Variants in BTBD10 observed in about 807,000 individuals in gnomAD.
BTBD10 encodes the protein BTB domain containing 10.
A neutral mutation model predicts 53.2 loss-of-function variants in BTBD10; 21 were observed. That is an observed-to-expected ratio of 0.39 (90% confidence interval 0.28 to 0.57). The LOEUF is 0.57. BTBD10 is among the 20% of genes least tolerant of loss of function. The probability of loss-of-function intolerance (pLI) is 0.53; values close to 1 mark genes in which losing one functional copy is unlikely to be tolerated. For synonymous variants in BTBD10, 149 were observed against 192.7 expected, an observed-to-expected ratio of 0.77 and a Z score of 1.88; for missense variants, 360 against 594.7, an observed-to-expected ratio of 0.61 and a Z score of 4.10.
At chr11:13,454,369 A>C (rs1950922293) in intron 1 of BTBD10, among the ~76,000 whole-genome samples, 1 of 152,216 alleles carries the variant, frequency 6.6e-6, no homozygotes, top group Non-Finnish European at 1.5e-5. Flanking sequence ...AGCTATTACC[A>C]AACAAGCCCT....
intron 1 of BTBD10, among the ~76,000 whole-genome samples, chr11:13,445,857 C>T (rs1052040250): frequency 1.3e-5 from 2 of 152,152 alleles, no homozygotes; most frequent in African/African-American, 4.8e-5. Flanking sequence ...AACAGCTTTA[C>T]AGAATATCTG....
intron 2 of BTBD10, among the ~76,000 whole-genome samples, chr11:13,436,925 G>A (rs1950554241): frequency 6.6e-6 from 1 of 152,122 alleles, no homozygotes; most frequent in Non-Finnish European, 1.5e-5. Context: ...TGGGATTACA[G>A]GCGTGCACCA....
intron 8 of BTBD10, among the ~76,000 whole-genome samples, chr11:13,401,015 A>C (rs918990962): frequency 2.6e-5 from 4 of 152,126 alleles, no homozygotes; most frequent in Non-Finnish European, 5.9e-5. Context: ...CCACTGAGAA[A>C]TTTTAATATG....
intron 1 of BTBD10, among the ~76,000 whole-genome samples, chr11:13,450,497 T>C (rs1950837740): frequency 6.6e-6 from 1 of 152,120 alleles, no homozygotes; most frequent in Non-Finnish European, 1.5e-5. Context: ...AGAGACTGTA[T>C]CACTAAAAAC....
At chr11:13,401,407 T>C (rs886186951) in intron 8 of BTBD10, among the ~76,000 whole-genome samples, 1 of 152,146 alleles carries the variant, frequency 6.6e-6, no homozygotes, top group Non-Finnish European at 1.5e-5. Context: ...AGACCACATG[T>C]TAGGTATGCA....
chr11:13,445,958 G>A (rs1207931327), intron 1 of BTBD10, among the ~76,000 whole-genome samples: 1 of 152,104 alleles, frequency 6.6e-6, no homozygotes, highest in African/African-American at 2.4e-5. Context: ...ATACAGAATA[G>A]AAAGCCTCAG....
intron 8 of BTBD10, among the ~76,000 whole-genome samples, chr11:13,398,208 T>G (rs1423499816): frequency 6.6e-6 from 1 of 152,162 alleles, no homozygotes. Context: ...AGGACTTGCT[T>G]TATGAATCTG....
At chr11:13,460,092 G>A (rs914835882) in intron 1 of BTBD10, among the ~76,000 whole-genome samples, 1 of 152,176 alleles carries the variant, frequency 6.6e-6, no homozygotes, top group African/African-American at 2.4e-5. Flanking sequence ...ATTTCAGAGA[G>A]AGGCAGAGAT....
chr11:13,426,941 A>C (rs1469976348), intron 2 of BTBD10, among the ~76,000 whole-genome samples: 1 of 152,152 alleles, frequency 6.6e-6, no homozygotes, highest in Non-Finnish European at 1.5e-5. Context: ...CTAAACCATA[A>C]AAGGTGAAGA....
At chr11:13,394,153 G>A (rs1949475458) in intron 8 of BTBD10, among the ~76,000 whole-genome samples, 1 of 152,172 alleles carries the variant, frequency 6.6e-6, no homozygotes, top group Non-Finnish European at 1.5e-5. Flanking sequence ...CCGCACAAAG[G>A]AGCATCTTAA....
At chr11:13,395,806 C>G (rs1347048566) in intron 8 of BTBD10, among the ~76,000 whole-genome samples, 2 of 152,140 alleles carry the variant, frequency 1.3e-5, no homozygotes, top group African/African-American at 4.8e-5. Context: ...ATCCTTTCGC[C>G]ATTGCTTGTT....
At chr11:13,392,749 C>T (rs1428387827) in intron 8 of BTBD10, among the ~76,000 whole-genome samples, 1 of 152,136 alleles carries the variant, frequency 6.6e-6, no homozygotes, top group African/African-American at 2.4e-5. Flanking sequence ...ACAATCCCAT[C>T]CAATTAAAGA....
intron 2 of BTBD10, among the ~76,000 whole-genome samples, chr11:13,423,956 A>G (rs1467756493): frequency 6.6e-6 from 1 of 152,188 alleles, no homozygotes; most frequent in Non-Finnish European, 1.5e-5. Context: ...GGACAGCTGC[A>G]TCAATAGAAC....
intron 2 of BTBD10, 74 bp from the exon 3 acceptor site, chr11:13,421,912 A>T (rs11022814): frequency 0.17 from 209,550 of 1,228,606 alleles, 19,158 homozygotes; most frequent in Admixed American, 0.28. Context: ...GAAACACCCA[A>T]GTAACAAAAA....
At position 13,442,843 on chromosome 11, in the gene BTBD10, A is replaced by T. The variant is rs544065170; in HGVS notation, c.101+2181T>A. On this transcript the variant is annotated intron_variant, in intron 2 of 8. Transcript: ENST00000278174. Reference sequence around the variant, plus strand: ...ATTTACTATGAATTCAAAAAGTAACACTTTTAAAAAGTCAAATCATACTTT... The same window carrying T: ...ATTTACTATGAATTCAAAAAGTAACTCTTTTAAAAAGTCAAATCATACTTT... Among the ~76,000 whole-genome samples the T allele has an allele frequency of 3.4e-3, 525 of 152,282 alleles. 2 individuals are homozygous for T. Among genetic ancestry groups the T allele is most frequent in the African/African-American group, 0.012 (513 of 41,570 alleles).
At chr11:13,455,266 AAGTC>A (rs1300421517) in intron 1 of BTBD10, among the ~76,000 whole-genome samples, 1 of 152,220 alleles carries the variant, frequency 6.6e-6, no homozygotes, top group Non-Finnish European at 1.5e-5. Context: ...AAGACTTCCA[AAGTC>A]AGCTCAGTCA....
At chr11:13,389,630 G>A (rs1043081166) in intron 8 of BTBD10, among the ~76,000 whole-genome samples, 5 of 152,050 alleles carry the variant, frequency 3.3e-5, no homozygotes, top group African/African-American at 4.8e-5. Flanking sequence ...GTTTCACCAC[G>A]TTGCCCAGGC....
intron 2 of BTBD10, among the ~76,000 whole-genome samples, chr11:13,437,738 G>A (rs937031537): frequency 1.3e-5 from 2 of 152,046 alleles, no homozygotes; most frequent in East Asian, 1.9e-4. Context: ...TTTTTAAACT[G>A]TTTTTCTTCA....
chr11:13,421,554 A>G, intron 3 of BTBD10, 88 bp downstream of exon 3: 1 of 1,185,490 alleles, frequency 8.4e-7, no homozygotes, highest in Non-Finnish European at 1.2e-6. Context: ...ACTCTGCAGT[A>G]TTAGGCACAA....
Sources: gnomAD v4.1 joint callset for allele counts (sites outside exome capture counted in the v4.1 genomes callset) on GRCh38, gnomAD v4.1.1 for gene constraint, MANE v1.5 for transcripts, NCBI Gene and HGNC (gene_info 2026-07-23, HGNC 2026-07-21) for gene names.